The following DLGAP4 variants were observed in gnomAD, a reference collection of about 807,000 sequenced individuals.
DLGAP4 encodes the protein DLG associated protein 4.
Under a neutral mutation model 86.9 loss-of-function variants are expected in DLGAP4, and 18 were observed. The ratio of observed to expected loss-of-function variants is 0.21; its 90% CI spans 0.14 to 0.31. DLGAP4 has a LOEUF of 0.31. Ranked by LOEUF, DLGAP4 falls within the 10% of genes least tolerant of loss-of-function variation. The pLI is 1.00. For synonymous variants in DLGAP4, 548 were observed against 574.3 expected (o/e 0.95, Z 0.65); for missense variants, 1,085 against 1,362.6 (o/e 0.80, Z 3.21).
rs945927248 is a variant in DLGAP4, at chr20:36,527,984, C to T, written c.*953C>T. 1.3e-5 allele frequency: 2 copies of T among 152,644 alleles called. No homozygotes were observed. Among genetic ancestry groups the T allele is most frequent in the Non-Finnish European group, 2.9e-5 (2 of 68,052 alleles). The allele number at this position is 152,644 out of a possible 1,614,324, so 9.5% of individuals were successfully genotyped here. On this transcript the variant is annotated 3_prime_UTR_variant, in exon 13 of 13. Transcript: ENST00000339266. ...GAGTGTATAGTTAACAAACGCCCAT[C>T]TGCTCACCCATGCCCACCCAGCGCC...
At chr20:36,520,722 CTTCT>C (rs761734682) in intron 10 of DLGAP4, among the ~76,000 whole-genome samples, 7 of 151,836 alleles carry the variant, frequency 4.6e-5, no homozygotes, top group South Asian at 4.2e-4. Flanking sequence ...TTTTTTTTCC[CTTCT>C]TTATCTGCTT....
chr20:36,519,045 A>G (rs976598710), intron 10 of DLGAP4, among the ~76,000 whole-genome samples: 4 of 151,436 alleles, frequency 2.6e-5, no homozygotes, highest in African/African-American at 9.7e-5. Context: ...TGAACCCGGG[A>G]GGCAGAGGTT....
chr20:36,365,317 C>G (rs532042783), intron 1 of DLGAP4, among the ~76,000 whole-genome samples: 1 of 152,232 alleles, frequency 6.6e-6, no homozygotes, highest in South Asian at 2.1e-4. Context: ...CGGTCAGGAA[C>G]GCATCTTCTC....
chr20:36,477,528 T>C (rs2035000638), intron 7 of DLGAP4, among the ~76,000 whole-genome samples: 1 of 152,184 alleles, frequency 6.6e-6, no homozygotes, highest in African/African-American at 2.4e-5. Context: ...CCTGGTGGCT[T>C]TGAGGAGCCT....
intron 1 of DLGAP4, among the ~76,000 whole-genome samples, chr20:36,340,095 T>G (rs1451194502): frequency 6.6e-6 from 1 of 151,288 alleles, no homozygotes; most frequent in Non-Finnish European, 1.5e-5. Context: ...GGTTTGGGGG[T>G]TTTTTGTTTT....
intron 2 of DLGAP4, among the ~76,000 whole-genome samples, chr20:36,389,823 A>G (rs186756497): frequency 7.2e-5 from 11 of 152,362 alleles, no homozygotes; most frequent in Middle Eastern, 3.4e-3. Context: ...AAATAAGTCA[A>G]TTAATTGCTC....
At chr20:36,481,879 G>C (rs994638836) in intron 7 of DLGAP4, among the ~76,000 whole-genome samples, 1 of 152,184 alleles carries the variant, frequency 6.6e-6, no homozygotes. Flanking sequence ...CTCAGTGTCT[G>C]TGGTCAGCTG....
At chr20:36,307,648 C>A (rs1017856430) in intron 1 of DLGAP4, among the ~76,000 whole-genome samples, 5 of 152,092 alleles carry the variant, frequency 3.3e-5, no homozygotes, top group Non-Finnish European at 7.4e-5. Context: ...TTCCTGGCAC[C>A]CCCACCTGCC....
At chr20:36,343,938 G>C (rs781831381) in intron 1 of DLGAP4, among the ~76,000 whole-genome samples, 1 of 152,252 alleles carries the variant, frequency 6.6e-6, no homozygotes, top group Non-Finnish European at 1.5e-5. Context: ...CCCTCCAGCA[G>C]AGCAGTGGGA....
intron 1 of DLGAP4, among the ~76,000 whole-genome samples, chr20:36,324,117 G>A (rs1318927411): frequency 3.3e-5 from 5 of 152,160 alleles, no homozygotes; most frequent in Non-Finnish European, 5.9e-5. Flanking sequence ...ATTTATGCCT[G>A]TGTTTTCTTC....
intron 3 of DLGAP4, among the ~76,000 whole-genome samples, chr20:36,434,514 G>A (rs567826002): frequency 1.3e-5 from 2 of 152,210 alleles, no homozygotes; most frequent in Non-Finnish European, 1.5e-5. Context: ...GAAACACCAT[G>A]AGAGGGTAGC....
chr20:36,397,756 G>A (rs1418448649), intron 2 of DLGAP4, among the ~76,000 whole-genome samples: 1 of 152,148 alleles, frequency 6.6e-6, no homozygotes, highest in Non-Finnish European at 1.5e-5. Flanking sequence ...AAACGTATGG[G>A]TAATTTTCAG....
chr20:36,452,959 A>G (rs2033778900), intron 7 of DLGAP4, among the ~76,000 whole-genome samples: 2 of 150,172 alleles, frequency 1.3e-5, no homozygotes, highest in African/African-American at 4.9e-5. Context: ...CAGCCTCCCA[A>G]GTATCTGGGA....
At chr20:36,369,681 A>G (rs948274313) in intron 2 of DLGAP4, among the ~76,000 whole-genome samples, 7 of 152,146 alleles carry the variant, frequency 4.6e-5, no homozygotes, top group Admixed American at 1.3e-4. Flanking sequence ...GGGGTTTCTG[A>G]GGGGCCAGCA....
At chr20:36,436,815 CAAA>C (rs556657516) in intron 4 of DLGAP4, among the ~76,000 whole-genome samples, 5 of 110,434 alleles carry the variant, frequency 4.5e-5, no homozygotes, top group Non-Finnish European at 3.8e-5. Context: ...GACTCCGTCT[CAAA>C]AAAAAAAAAA....
At chr20:36,417,037 G>T (rs554642505) in intron 2 of DLGAP4, among the ~76,000 whole-genome samples, 2 of 152,166 alleles carry the variant, frequency 1.3e-5, no homozygotes, top group Non-Finnish European at 2.9e-5. Context: ...CTCACAGAGC[G>T]CGGGAGGCAC....
At position 36,500,356 on chromosome 20, in the gene DLGAP4, C is replaced by G. The variant is rs149564219; in HGVS notation, c.2257C>G (p.Pro753Ala). The G allele has an allele frequency of 1.8e-5, 29 of 1,612,544 alleles. No individual in the cohort carries two copies. The highest frequency in any genetic ancestry group is 6.7e-5 in the African/African-American group (5 of 74,942). Residue 753 changes from proline to alanine, a missense_variant, in exon 10 of 13, where the codon CCC becomes GCC. This residue lies in a region of DLGAP4 where 1,082 missense variants were observed against 1,344.1 expected (regional missense o/e 0.81). Coordinates refer to ENST00000339266, the MANE Select transcript of DLGAP4 (RefSeq NM_001365621.2). The surrounding 1 kb of genome is among the most constrained non-coding windows in gnomAD (Gnocchi z 4.6). ...CATCGATGCCGGTCCCCGGCAGGCC[C>G]CCAAGATTGCCCAGATCAAGCGCAA... ...ISIDAGPRQA[P>A]KIAQIKRNLS...
At chr20:36,511,749 C>G (rs1296280088) in intron 10 of DLGAP4, among the ~76,000 whole-genome samples, 1 of 151,362 alleles carries the variant, frequency 6.6e-6, no homozygotes, top group Non-Finnish European at 1.5e-5. Context: ...ATCGTGGGCA[C>G]CTGTAATCTC....
chr20:36,446,010 A>G (rs1009405771), intron 6 of DLGAP4, among the ~76,000 whole-genome samples: 1 of 152,254 alleles, frequency 6.6e-6, no homozygotes, highest in African/African-American at 2.4e-5. Flanking sequence ...GCAAGATAGC[A>G]GATAGCATAC....
Sources: gnomAD v4.1 joint callset for allele counts (sites outside exome capture counted in the v4.1 genomes callset) on GRCh38, gnomAD v4.1.1 for gene constraint, gnomAD v4.1.1 regional missense constraint, Gnocchi (gnomAD v3.1) non-coding constraint, MANE v1.5 for transcripts, NCBI Gene and HGNC (gene_info 2026-07-23, HGNC 2026-07-21) for gene names.